Variants in FRYL observed in about 807,000 individuals in gnomAD.
FRYL encodes the protein FRY like transcription coactivator.
A neutral mutation model predicts 351.2 loss-of-function variants in FRYL; 150 were observed. The ratio of observed to expected loss-of-function variants is 0.43; its 90% CI spans 0.37 to 0.49. The LOEUF is 0.49. FRYL is among the 20% of genes least tolerant of loss of function. The pLI is 0.00. For synonymous variants in FRYL, 1,153 were observed against 1,257.1 expected (o/e 0.92, Z 1.75); for missense variants, 3,036 against 3,619.3 (o/e 0.84, Z 4.13).
intron 21 of FRYL, 67 bp downstream of exon 21, chr4:48,581,353 A>C: frequency 7.1e-7 from 1 of 1,407,836 alleles, no homozygotes; most frequent in South Asian, 1.3e-5. Flanking sequence ...ACATGGGATA[A>C]GGATGGACAA....
intron 2 of FRYL, among the ~76,000 whole-genome samples, chr4:48,692,315 T>G (rs1490871967): frequency 2.6e-5 from 4 of 152,202 alleles, no homozygotes; most frequent in Non-Finnish European, 4.4e-5. Flanking sequence ...TGGAATTAGG[T>G]TAAGTCTAGA....
intron 1 of FRYL, among the ~76,000 whole-genome samples, chr4:48,756,500 T>A (rs769683269): frequency 6.6e-6 from 1 of 152,198 alleles, no homozygotes; most frequent in Non-Finnish European, 1.5e-5. Context: ...GCTTGTTAAC[T>A]GTCTGATAAT....
At chr4:48,592,082 T>TTATATATATATATATATATATATGTATA (rs1743427675) in intron 16 of FRYL, among the ~76,000 whole-genome samples, 1 of 116,178 alleles carries the variant, frequency 8.6e-6, no homozygotes, top group Non-Finnish European at 1.7e-5. Flanking sequence ...AATAAAGCTC[T>TTATATATATATATATATATATATGTATA]TATATATATA....
At chr4:48,647,922 A>G (rs1304654454) in intron 3 of FRYL, among the ~76,000 whole-genome samples, 1 of 152,196 alleles carries the variant, frequency 6.6e-6, no homozygotes, top group African/African-American at 2.4e-5. Flanking sequence ...CATTTCTGAA[A>G]CTGATGTCAA....
chr4:48,663,304 C>T (rs1028442790), intron 3 of FRYL, among the ~76,000 whole-genome samples: 8 of 147,510 alleles, frequency 5.4e-5, no homozygotes, highest in Non-Finnish European at 7.4e-5. Flanking sequence ...TTTTATAAAC[C>T]CCAGAACAGC....
chr4:48,760,050 T>G (rs1294670786), intron 1 of FRYL, among the ~76,000 whole-genome samples: 1 of 152,190 alleles, frequency 6.6e-6, no homozygotes, highest in Non-Finnish European at 1.5e-5. Context: ...ATTTTATATA[T>G]GTAGAATCTA....
chr4:48,538,531 T>C (rs1385963238), intron 47 of FRYL, among the ~76,000 whole-genome samples: 1 of 152,166 alleles, frequency 6.6e-6, no homozygotes, highest in African/African-American at 2.4e-5. Context: ...GAGATAAATG[T>C]GTACTTAGCA....
intron 11 of FRYL, among the ~76,000 whole-genome samples, chr4:48,604,488 G>C (rs1746341154): frequency 1.3e-5 from 2 of 152,172 alleles, no homozygotes; most frequent in African/African-American, 4.8e-5. Context: ...TTTTAAAAAG[G>C]GGAAATTTGG....
chr4:48,762,671 C>A (rs1774532266), intron 1 of FRYL, among the ~76,000 whole-genome samples: 1 of 152,140 alleles, frequency 6.6e-6, no homozygotes. Context: ...ACAAACCTCT[C>A]ACTGGAAAAA....
chr4:48,601,199 C>T (rs1745628206), intron 13 of FRYL, among the ~76,000 whole-genome samples: 1 of 152,182 alleles, frequency 6.6e-6, no homozygotes, highest in Non-Finnish European at 1.5e-5. Flanking sequence ...ATAAGGTTTT[C>T]AGTCTCAAGT....
At chr4:48,727,250 T>C (rs1204823607) in intron 1 of FRYL, among the ~76,000 whole-genome samples, 1 of 152,110 alleles carries the variant, frequency 6.6e-6, no homozygotes, top group Non-Finnish European at 1.5e-5. Context: ...GTTTCTGATC[T>C]GACCTGAAAG....
Position 48,699,975 on chromosome 4 carries a change from T to A in FRYL, c.-204+10544A>T, listed in dbSNP as rs879804743. Among the ~76,000 whole-genome samples the A allele has an allele frequency of 3.9e-5, 6 of 152,156 alleles. 1 individual carries two copies. The highest frequency in any genetic ancestry group is 1.3e-4 in the Admixed American group (2 of 15,304). ...GAGTAAAGCAAAAAGACAAAAAAAA[T>A]TTAAGTGCTCTAAAAACCTAACACC... On this transcript the variant is annotated intron_variant, in intron 2 of 63. Coordinates refer to ENST00000358350, the MANE Select transcript of FRYL (RefSeq NM_015030.2).
intron 4 of FRYL, 116 bp from the exon 5 acceptor site, chr4:48,623,295 C>T (rs1387390049): frequency 1.6e-5 from 10 of 606,986 alleles, no homozygotes; most frequent in Non-Finnish European, 2.8e-5. Flanking sequence ...CTCGTTTTCA[C>T]TTGTTACTAG....
At chr4:48,726,682 CA>C (rs1217524761) in intron 1 of FRYL, among the ~76,000 whole-genome samples, 1 of 151,860 alleles carries the variant, frequency 6.6e-6, no homozygotes, top group African/African-American at 2.4e-5. Flanking sequence ...ACTCCATCTC[CA>C]AAACAAACAA....
At chr4:48,714,995 C>T (rs1434720333) in intron 1 of FRYL, among the ~76,000 whole-genome samples, 1 of 152,036 alleles carries the variant, frequency 6.6e-6, no homozygotes, top group Non-Finnish European at 1.5e-5. Context: ...TGTAATCCAG[C>T]ATAAAAACAG....
chr4:48,763,675 C>T (rs934748467), intron 1 of FRYL, among the ~76,000 whole-genome samples: 3 of 152,100 alleles, frequency 2.0e-5, no homozygotes, highest in Non-Finnish European at 4.4e-5. Flanking sequence ...AAGCTCACAG[C>T]AAAGGTCATA....
chr4:48,728,704 T>A (rs1256307866), intron 1 of FRYL, among the ~76,000 whole-genome samples: 3 of 152,134 alleles, frequency 2.0e-5, no homozygotes, highest in Non-Finnish European at 4.4e-5. Flanking sequence ...AAGATTTACA[T>A]CCCCAGAATT....
chr4:48,765,940 T>G (rs1303952499), intron 1 of FRYL, among the ~76,000 whole-genome samples: 1 of 152,074 alleles, frequency 6.6e-6, no homozygotes, highest in Admixed American at 6.5e-5. Context: ...AAAACCACAA[T>G]GAGTTATCTC....
rs747342052 is a variant in FRYL at position 48,562,914 on chromosome 4, T to A, written c.3671A>T (p.Tyr1224Phe). 6.2e-7 allele frequency: 1 copy of A among 1,603,260 alleles called. No homozygotes were observed. Among genetic ancestry groups the A allele is most frequent in the African/African-American group, 1.3e-5 (1 of 74,586 alleles). Reference protein sequence around the residue: ...FKAADSSRSIYEVAMQLLQIL... With the variant: ...FKAADSSRSIFEVAMQLLQIL... Reference sequence around the variant, plus strand: ...CTGTAAAAGTTGCATAGCAACTTCATAGATACTTCTAGAAGAATCAGCTGC... The same window carrying A: ...CTGTAAAAGTTGCATAGCAACTTCAAAGATACTTCTAGAAGAATCAGCTGC... The change falls in exon 32 of 64, where the codon TAT becomes TTT. Residue 1224 changes from tyrosine (Y) to phenylalanine (F), a missense_variant. Transcript: ENST00000358350.
Sources: gnomAD v4.1 joint callset for allele counts (sites outside exome capture counted in the v4.1 genomes callset) on GRCh38, gnomAD v4.1.1 for gene constraint, MANE v1.5 for transcripts, NCBI Gene and HGNC (gene_info 2026-07-23, HGNC 2026-07-21) for gene names.